The following BORCS5 variants were observed in gnomAD, a reference collection of about 807,000 sequenced individuals.
BORCS5 encodes the protein BLOC-1 related complex subunit 5.
A neutral mutation model predicts 22.1 loss-of-function variants in BORCS5; 17 were observed. The observed-to-expected ratio is 0.77, with a 90% confidence interval of 0.53 to 1.15. The LOEUF is 1.15. BORCS5 is among the 50% of genes most tolerant of loss of function. The pLI is 0.00. For missense variants in BORCS5, 247 were observed against 253.2 expected, an observed-to-expected ratio of 0.98 and a Z score of 0.17; for synonymous variants, 117 against 99.8, an observed-to-expected ratio of 1.17 and a Z score of -1.03.
chr12:12,372,908 C>A (rs1863561316), intron 2 of BORCS5, among the ~76,000 whole-genome samples: 1 of 152,124 alleles, frequency 6.6e-6, no homozygotes, highest in South Asian at 2.1e-4. Flanking sequence ...TTGTGTAAAT[C>A]CTACCCACTT....
intron 2 of BORCS5, among the ~76,000 whole-genome samples, chr12:12,421,575 TAGGG>T (rs1257083234): frequency 6.6e-6 from 1 of 152,226 alleles, no homozygotes; most frequent in Non-Finnish European, 1.5e-5. Context: ...TAAAATGAGT[TAGGG>T]AGGATTCCCT....
chr12:12,414,172 C>A (rs1222031016), intron 2 of BORCS5, among the ~76,000 whole-genome samples: 2 of 101,488 alleles, frequency 2.0e-5, no homozygotes, highest in Non-Finnish European at 4.3e-5. Context: ...ACCCCCCCAC[C>A]TCCCTCCCGG....
intron 2 of BORCS5, 62 bp downstream of exon 2, chr12:12,361,411 T>C: frequency 1.9e-6 from 3 of 1,562,726 alleles, no homozygotes; most frequent in African/African-American, 1.4e-5. Flanking sequence ...CCCTACTACT[T>C]TCCCTCTACT....
intron 1 of BORCS5, among the ~76,000 whole-genome samples, chr12:12,358,970 T>C (rs569575484): frequency 1.3e-5 from 2 of 152,332 alleles, no homozygotes; most frequent in Admixed American, 1.3e-4. Context: ...TTCTATGGCA[T>C]CCCTGGATTA....
chr12:12,443,558 C>T (rs1448558989), intron 3 of BORCS5, among the ~76,000 whole-genome samples: 3 of 152,232 alleles, frequency 2.0e-5, no homozygotes, highest in Non-Finnish European at 4.4e-5. Flanking sequence ...GGCCTGGCCC[C>T]ACACTTCCTT....
intron 2 of BORCS5, among the ~76,000 whole-genome samples, chr12:12,396,937 T>G (rs16907990): frequency 0.072 from 11,007 of 152,208 alleles, 546 homozygotes; most frequent in East Asian, 0.23. Context: ...ACCTGAGCAA[T>G]TTTCTATAAT....
At chr12:12,364,913 G>T (rs926850399) in intron 2 of BORCS5, among the ~76,000 whole-genome samples, 3 of 152,214 alleles carry the variant, frequency 2.0e-5, no homozygotes, top group African/African-American at 7.2e-5. Flanking sequence ...GTTGCAGTGA[G>T]CCAAGATTGC....
intron 2 of BORCS5, among the ~76,000 whole-genome samples, chr12:12,401,734 G>A (rs1941481273): frequency 6.6e-6 from 1 of 151,732 alleles, no homozygotes; most frequent in South Asian, 2.1e-4. Context: ...TTCTATTGTG[G>A]CATTTCCCAT....
intron 3 of BORCS5, among the ~76,000 whole-genome samples, chr12:12,440,783 G>T (rs1051843091): frequency 5.3e-5 from 8 of 152,174 alleles, no homozygotes; most frequent in Admixed American, 2.0e-4. Flanking sequence ...ACCACAGAAT[G>T]TTGGAATTGG....
intron 3 of BORCS5, among the ~76,000 whole-genome samples, chr12:12,451,040 C>A (rs1250672502): frequency 6.6e-6 from 1 of 152,170 alleles, no homozygotes; most frequent in African/African-American, 2.4e-5. Context: ...AGAAATAGTC[C>A]TCCAGTATGG....
chr12:12,433,350 G>GAAAAAAAAAA (rs1942478409), intron 2 of BORCS5, among the ~76,000 whole-genome samples: 1 of 119,328 alleles, frequency 8.4e-6, no homozygotes, highest in African/African-American at 3.3e-5. Context: ...AAAAAAAAAG[G>GAAAAAAAAAA]AAATCTGCCC....
intron 2 of BORCS5, among the ~76,000 whole-genome samples, chr12:12,389,501 C>T (rs1941113534): frequency 7.0e-6 from 1 of 142,480 alleles, no homozygotes; most frequent in Non-Finnish European, 1.6e-5. Flanking sequence ...CTGCCAGTAT[C>T]TTTTAAGCCC....
intron 2 of BORCS5, among the ~76,000 whole-genome samples, chr12:12,433,671 G>A (rs1942487025): frequency 6.6e-6 from 1 of 152,110 alleles, no homozygotes. Context: ...GCTAATACTG[G>A]ATTCACCAAA....
intron 2 of BORCS5, among the ~76,000 whole-genome samples, chr12:12,389,177 G>A (rs990473157): frequency 1.0e-4 from 12 of 115,894 alleles, no homozygotes; most frequent in Admixed American, 1.0e-3. Flanking sequence ...CATTCTTGTC[G>A]CCCAGGCTGG....
Position 12,435,647 on chromosome 12 carries a change from T to C in BORCS5, c.222T>C (p.Thr74=), listed in dbSNP as rs1391800568. 1.9e-5 allele frequency: 31 copies of C among 1,613,928 alleles called. No individual in the cohort carries two copies. Among genetic ancestry groups the C allele is most frequent in the Non-Finnish European group, 2.6e-5 (31 of 1,179,934 alleles). The part of the protein sequence containing the change: ...PLLKGLLSGQ[T]SPTNAKLEKL... Reference sequence around the variant, plus strand: ...TTGAAGGGCTATTGAGTGGCCAGACTTCCCCAACAAATGCCAAATTGGAGA... The same window carrying C: ...TTGAAGGGCTATTGAGTGGCCAGACCTCCCCAACAAATGCCAAATTGGAGA... The change falls in exon 3 of 4, where the codon ACT becomes ACC. Residue 74 remains threonine, a synonymous_variant. Coordinates refer to ENST00000314565, the MANE Select transcript of BORCS5 (RefSeq NM_058169.6).
intron 3 of BORCS5, among the ~76,000 whole-genome samples, chr12:12,447,806 G>T (rs1942820707): frequency 1.3e-5 from 2 of 152,184 alleles, no homozygotes; most frequent in Non-Finnish European, 2.9e-5. Flanking sequence ...AAGATGTTAA[G>T]TGTGTCACTT....
intron 1 of BORCS5, among the ~76,000 whole-genome samples, chr12:12,358,877 TGAAAAGAA>T (rs1378394535): frequency 2.0e-5 from 3 of 152,142 alleles, no homozygotes; most frequent in Non-Finnish European, 4.4e-5. Context: ...AAATATTTCT[TGAAAAGAA>T]ATAAAAGCAG....
chr12:12,415,537 G>A (rs1453875224), intron 2 of BORCS5, among the ~76,000 whole-genome samples: 5 of 123,256 alleles, frequency 4.1e-5, no homozygotes, highest in South Asian at 6.4e-4. Context: ...GAGGGAGACC[G>A]TGGAAGGAGA....
chr12:12,404,724 A>G lies in BORCS5; in HGVS notation c.203-30904A>G, dbSNP rs1941554862. On this transcript the variant is annotated intron_variant, in intron 2 of 3. Coordinates refer to ENST00000314565, the MANE Select transcript of BORCS5 (RefSeq NM_058169.6). ...TTGGTTTTTTGTTTTCTTTTTTGTGACACAGTCTCTGTTGCCCAGGCTGGA... is the reference window on the plus strand; with the variant it reads ...TTGGTTTTTTGTTTTCTTTTTTGTGGCACAGTCTCTGTTGCCCAGGCTGGA... Among the ~76,000 whole-genome samples, 3 of 152,236 alleles carry G rather than the reference A, an allele frequency of 2.0e-5. No individual in the cohort carries two copies. In the South Asian group the frequency reaches 6.2e-4, roughly 32 times the overall value.
Sources: gnomAD v4.1 joint callset for allele counts (sites outside exome capture counted in the v4.1 genomes callset) on GRCh38, gnomAD v4.1.1 for gene constraint, MANE v1.5 for transcripts, NCBI Gene and HGNC (gene_info 2026-07-23, HGNC 2026-07-21) for gene names.